COL24A1: variants seen among roughly 807,000 people sequenced by gnomAD.
COL24A1 encodes collagen alpha-1(XXIV) chain.
In COL24A1, 224 loss-of-function variants were observed where a neutral mutation model predicts 253.9. That is an observed-to-expected ratio of 0.88 (90% CI 0.79 to 0.99). The LOEUF (loss-of-function observed/expected upper bound fraction) is 0.99. Among genes scored for constraint, COL24A1 ranks in the 50% least tolerant of loss-of-function variants. The probability of loss-of-function intolerance (pLI) is 0.00; values close to 1 mark genes in which losing one functional copy is unlikely to be tolerated. For synonymous variants in COL24A1, 685 were observed against 673.7 expected (o/e 1.02, Z -0.26); for missense variants, 2,131 against 2,068.5 (o/e 1.03, Z -0.59).
chr1:85,816,705 AATAG>A (rs1221110691), intron 47 of COL24A1, 79 bp downstream of exon 47: 117 of 1,217,490 alleles, frequency 9.6e-5, no homozygotes, highest in Admixed American at 1.5e-4. Context: ...CCAAAGCTAA[AATAG>A]ATAGCCAAAA....
intron 19 of COL24A1, among the ~76,000 whole-genome samples, chr1:85,998,273 G>C (rs932483024): frequency 6.6e-6 from 1 of 152,056 alleles, no homozygotes; most frequent in Non-Finnish European, 1.5e-5. Flanking sequence ...ATTTCTTCAA[G>C]TCACTGCTCA....
chr1:86,040,720 A>G (rs1011179374), intron 12 of COL24A1, among the ~76,000 whole-genome samples: 1 of 152,074 alleles, frequency 6.6e-6, no homozygotes, highest in African/African-American at 2.4e-5. Flanking sequence ...AAATATAGCT[A>G]CTACAGACTA....
chr1:85,793,613 T>G (rs1670524041), intron 47 of COL24A1, among the ~76,000 whole-genome samples: 1 of 152,140 alleles, frequency 6.6e-6, no homozygotes, highest in Non-Finnish European at 1.5e-5. Flanking sequence ...TTCTTTCCCC[T>G]GGTTTCTATG....
At chr1:85,902,034 G>C (rs551791734) in intron 28 of COL24A1, among the ~76,000 whole-genome samples, 49 of 152,118 alleles carry the variant, frequency 3.2e-4, no homozygotes, top group African/African-American at 1.2e-3. Flanking sequence ...TGTACACAAT[G>C]GAATAATTTG....
intron 47 of COL24A1, among the ~76,000 whole-genome samples, chr1:85,806,785 A>G (rs1672015819): frequency 6.6e-6 from 1 of 152,224 alleles, no homozygotes; most frequent in South Asian, 2.1e-4. Context: ...TTTGAGATCC[A>G]GTCTCCACCC....
At chr1:85,813,655 A>G (rs1293489433) in intron 47 of COL24A1, among the ~76,000 whole-genome samples, 1 of 137,512 alleles carries the variant, frequency 7.3e-6, no homozygotes, top group Non-Finnish European at 1.5e-5. Context: ...GGTTCACGCC[A>G]TTCTCCTGCC....
At chr1:85,986,997 G>C (rs1194919574) in intron 20 of COL24A1, among the ~76,000 whole-genome samples, 2 of 151,962 alleles carry the variant, frequency 1.3e-5, no homozygotes, top group African/African-American at 4.8e-5. Context: ...AAACCAGTAA[G>C]TTTGTATATA....
chr1:86,017,107 C>A, intron 19 of COL24A1, 44 bp downstream of exon 19: 1 of 1,519,664 alleles, frequency 6.6e-7, no homozygotes, highest in Non-Finnish European at 9.0e-7. Flanking sequence ...GTTTAATTTC[C>A]ACCATTTTGT....
At position 86,125,119 on chromosome 1, in the gene COL24A1, G is replaced by A. The variant is rs757363976; in HGVS notation, c.1217C>T (p.Thr406Ile). ...TGCTGTGATAGCCTTCTTGAGATTAGTAATTGTATCTTGTTTAATTTGTGG... is the reference window on the plus strand; with the variant it reads ...TGCTGTGATAGCCTTCTTGAGATTAATAATTGTATCTTGTTTAATTTGTGG... ...ILPQIKQDTI[T>I]NLKKAITANL... Residue 406 changes from threonine (T) to isoleucine (I), a missense_variant, in exon 3 of 60, where the codon ACT (threonine) becomes ATT (isoleucine). By Grantham distance (89) the Thr-to-Ile change is moderately conservative. Coordinates refer to ENST00000370571, the MANE Select transcript of COL24A1 (RefSeq NM_152890.7). 1.1e-5 allele frequency: 18 copies of A among 1,612,846 alleles called. No homozygotes were observed. Among genetic ancestry groups the A allele is most frequent in the Non-Finnish European group, 1.5e-5 (18 of 1,179,576 alleles).
chr1:85,961,022 A>T lies in COL24A1; in HGVS notation c.2562+227T>A, dbSNP rs1273034193. On this transcript the variant is annotated intron_variant, in intron 24 of 59. Coordinates refer to ENST00000370571, the MANE Select transcript of COL24A1 (RefSeq NM_152890.7). ...AAACAATGTTTCTGAGGTCACAAAT[A>T]TACTTTATATTGGATGAAAATGTCA... 6 of 436,576 alleles carry T rather than the reference A, an allele frequency of 1.4e-5. No individual in the cohort carries two copies. In the South Asian group the frequency reaches 2.4e-4, roughly 18 times the overall value. The allele number at this position is 436,576 out of a possible 1,614,324, so 27.0% of individuals were successfully genotyped here. A position where few individuals can be genotyped will look rare whatever the true frequency, so the allele number is the denominator to read the frequency against.
At chr1:86,097,665 C>G (rs1014932000) in intron 5 of COL24A1, among the ~76,000 whole-genome samples, 6 of 144,694 alleles carry the variant, frequency 4.1e-5, no homozygotes, top group African/African-American at 1.6e-4. Flanking sequence ...TCCTCCCCTT[C>G]TCCTCCTCCT....
chr1:85,792,413 G>A (rs545110404), intron 47 of COL24A1, among the ~76,000 whole-genome samples: 23 of 151,466 alleles, frequency 1.5e-4, no homozygotes, highest in Non-Finnish European at 2.9e-4. Flanking sequence ...GAGACCAGGT[G>A]TGGTGGCTCA....
chr1:85,964,901 A>G (rs1691410062), intron 23 of COL24A1, 108 bp downstream of exon 23: 2 of 903,722 alleles, frequency 2.2e-6, no homozygotes, highest in Non-Finnish European at 3.4e-6. Context: ...TTAACATCTC[A>G]CTGGTTCTTT....
intron 59 of COL24A1, among the ~76,000 whole-genome samples, chr1:85,734,054 C>T (rs577221207): frequency 6.6e-6 from 1 of 151,778 alleles, no homozygotes; most frequent in African/African-American, 2.4e-5. Context: ...AGGTACCTGC[C>T]ACCATGCCTG....
At chr1:86,025,879 C>G (rs1049342092) in intron 14 of COL24A1, among the ~76,000 whole-genome samples, 98 of 152,264 alleles carry the variant, frequency 6.4e-4, no homozygotes, top group African/African-American at 2.3e-3. Context: ...TCACCCCACC[C>G]CATTCATATA....
intron 37 of COL24A1, among the ~76,000 whole-genome samples, chr1:85,857,609 C>T (rs1293013877): frequency 6.6e-6 from 1 of 152,058 alleles, no homozygotes; most frequent in Non-Finnish European, 1.5e-5. Flanking sequence ...ATATCCAAGG[C>T]ATCCTCATCC....
chr1:85,763,617 G>C (rs188703226), intron 53 of COL24A1, among the ~76,000 whole-genome samples: 5 of 148,560 alleles, frequency 3.4e-5, no homozygotes, highest in African/African-American at 1.2e-4. Flanking sequence ...TCAGCCTTCC[G>C]AGTAGCTGGG....
At chr1:86,047,880 C>T (rs1271607765) in intron 11 of COL24A1, among the ~76,000 whole-genome samples, 1 of 152,090 alleles carries the variant, frequency 6.6e-6, no homozygotes, top group Non-Finnish European at 1.5e-5. Context: ...CAGTCTGTCA[C>T]AACCATGTAG....
intron 43 of COL24A1, among the ~76,000 whole-genome samples, chr1:85,837,724 G>A (rs1450575797): frequency 6.6e-6 from 1 of 152,146 alleles, no homozygotes; most frequent in African/African-American, 2.4e-5. Flanking sequence ...GAGAGAGCAA[G>A]ATTACCGTTA....
Sources: gnomAD v4.1 joint callset for allele counts (sites outside exome capture counted in the v4.1 genomes callset) on GRCh38, gnomAD v4.1.1 for gene constraint, MANE v1.5 for transcripts, NCBI Gene and HGNC (gene_info 2026-07-23, HGNC 2026-07-21) for gene names.